PTAR1: variants seen among roughly 807,000 people sequenced by gnomAD.
PTAR1 encodes the protein protein prenyltransferase alpha subunit repeat-containing protein 1.
A neutral mutation model predicts 45.5 loss-of-function variants in PTAR1; 17 were observed. That is an observed-to-expected ratio of 0.37 (90% CI 0.26 to 0.56). PTAR1 has a LOEUF of 0.56. PTAR1 is among the 20% of genes least tolerant of loss of function. The pLI is 0.77. For missense variants in PTAR1, 391 were observed against 476.3 expected, an observed-to-expected ratio of 0.82 and a Z score of 1.67; for synonymous variants, 169 against 171.3, an observed-to-expected ratio of 0.99 and a Z score of 0.11.
intron 5 of PTAR1, among the ~76,000 whole-genome samples, chr9:69,728,805 G>A (rs181011388): frequency 6.6e-6 from 1 of 152,124 alleles, no homozygotes; most frequent in Admixed American, 6.5e-5. Flanking sequence ...GAAAATTAGT[G>A]TCATAATTCC....
intron 6 of PTAR1, among the ~76,000 whole-genome samples, chr9:69,721,014 C>G (rs7030556): frequency 1 from 152,283 of 152,330 alleles, 76,118 homozygotes; most frequent in Non-Finnish European, 1. Flanking sequence ...ATGGATCAAG[C>G]AGAAACTTCA....
At chr9:69,731,416 G>A (rs746477131) in intron 5 of PTAR1, among the ~76,000 whole-genome samples, 25 of 152,084 alleles carry the variant, frequency 1.6e-4, no homozygotes, top group Non-Finnish European at 2.5e-4. Context: ...CTGAGACACC[G>A]TAGTATATAA....
At chr9:69,723,162 G>A (rs903294820) in intron 6 of PTAR1, among the ~76,000 whole-genome samples, 164 bp downstream of exon 6, 5 of 152,004 alleles carry the variant, frequency 3.3e-5, no homozygotes, top group South Asian at 2.1e-4. Flanking sequence ...TGATGATGAC[G>A]ATGATATGGT....
chr9:69,728,710 C>T lies in PTAR1; in HGVS notation c.642+3429G>A, dbSNP rs549708977. ...ACTGCCTGACTGTGAATCTTTCCTG[C>T]CACACTACCCTCAAATATAAAAATA... On this transcript the variant is annotated intron_variant, in intron 5 of 7. Coordinates refer to ENST00000340434, the MANE Select transcript of PTAR1 (RefSeq NM_001099666.2). 3.1e-4 allele frequency among the ~76,000 whole-genome samples: 47 copies of T among 152,214 alleles called. No individual in the cohort carries two copies. In the Middle Eastern group the frequency reaches 0.017, roughly 55 times the overall value.
rs541670060 is a variant in PTAR1, at chr9:69,714,549, T to G, written c.*3793A>C. On this transcript the variant is annotated 3_prime_UTR_variant, in exon 8 of 8. Transcript: ENST00000340434. ...ACATGTGTGTGTGGCCCAACAAGAA[T>G]AAACTGGCATGACCTGAACATACCT... 6 of 152,150 alleles carry G rather than the reference T, an allele frequency of 3.9e-5. No homozygotes were observed. In the East Asian group the frequency reaches 1.2e-3, roughly 29 times the overall value. 9.4% of individuals were successfully genotyped at this position (152,150 alleles called of 1,614,324 possible).
chr9:69,730,853 G>C (rs1460277647), intron 5 of PTAR1, among the ~76,000 whole-genome samples: 11 of 152,026 alleles, frequency 7.2e-5, no homozygotes, highest in Non-Finnish European at 1.3e-4. Context: ...CTGGAGAACA[G>C]AGAAAGGAAC....
rs1290446229 is a variant in PTAR1 at position 69,712,803 on chromosome 9, T to C, written c.*5539A>G. 6.6e-6 allele frequency: 1 copy of C among 152,086 alleles called. No individual in the cohort carries two copies. The highest frequency in any genetic ancestry group is 2.4e-5 in the African/African-American group (1 of 41,438). The allele number at this position is 152,086 out of a possible 1,614,324, so 9.4% of individuals were successfully genotyped here. On this transcript the variant is annotated 3_prime_UTR_variant, in exon 8 of 8. Coordinates refer to ENST00000340434, the MANE Select transcript of PTAR1 (RefSeq NM_001099666.2). ...CAATCATCCCCACCTCTACCAAAGA[T>C]GGAACTATAACACAGAAATCATTTC...
chr9:69,744,671 C>T (rs1484560822), intron 2 of PTAR1, among the ~76,000 whole-genome samples: 1 of 152,170 alleles, frequency 6.6e-6, no homozygotes, highest in Non-Finnish European at 1.5e-5. Flanking sequence ...CAGGTGTGAG[C>T]CACTGCACCT....
At chr9:69,735,475 T>C (rs11140058) in intron 3 of PTAR1, among the ~76,000 whole-genome samples, 18,942 of 152,150 alleles carry the variant, frequency 0.12, 1,316 homozygotes, top group East Asian at 0.27. Flanking sequence ...AGCAATTTTT[T>C]CCCCAAATAT....
At chr9:69,737,913 TCTG>T in intron 3 of PTAR1, among the ~76,000 whole-genome samples, 2 of 152,318 alleles carry the variant, frequency 1.3e-5, no homozygotes, top group South Asian at 4.1e-4. Flanking sequence ...ACCTAGTTTC[TCTG>T]CTATTAACAT....
intron 2 of PTAR1, among the ~76,000 whole-genome samples, chr9:69,745,214 C>T (rs980644419): frequency 1.3e-5 from 2 of 152,296 alleles, no homozygotes; most frequent in East Asian, 3.9e-4. Flanking sequence ...TTTAGTAAAA[C>T]TGTCTAAATT....
At chr9:69,726,923 C>A (rs1335932618) in intron 5 of PTAR1, among the ~76,000 whole-genome samples, 1 of 127,442 alleles carries the variant, frequency 7.8e-6, no homozygotes, top group Non-Finnish European at 1.7e-5. Flanking sequence ...TTTTTAAATT[C>A]TTTTTTTTTT....
At position 69,709,910 on chromosome 9, in the gene PTAR1, A is replaced by G. The variant is rs1387642276; in HGVS notation, c.*8432T>C. On this transcript the variant is annotated 3_prime_UTR_variant, in exon 8 of 8. Transcript: ENST00000340434. The stretch of plus-strand genomic sequence containing the variant: ...CAACTTAAAAATTTGTTAATGTAGT[A>G]TAATCAGCATATCATGGTATTTTAC... The G allele has an allele frequency of 6.6e-6, 1 of 152,180 alleles. No homozygotes were observed. Among genetic ancestry groups the G allele is most frequent in the African/African-American group, 2.4e-5 (1 of 41,450 alleles). 9.4% of individuals were successfully genotyped at this position (152,180 alleles called of 1,614,324 possible). A position where few individuals can be genotyped will look rare whatever the true frequency, so the allele number is the denominator to read the frequency against.
intron 4 of PTAR1, among the ~76,000 whole-genome samples, 188 bp from the exon 5 acceptor site, chr9:69,732,540 G>C (rs972600784): frequency 4.0e-5 from 6 of 151,740 alleles, no homozygotes; most frequent in African/African-American, 9.7e-5. Context: ...TAATTTAGCA[G>C]TATGGATGAA....
intron 4 of PTAR1, 133 bp from the exon 5 acceptor site, chr9:69,732,485 T>C (rs548888225): frequency 3.4e-4 from 222 of 656,452 alleles, no homozygotes; most frequent in Non-Finnish European, 5.4e-4. Context: ...ATAAGTCTAG[T>C]ATTTTGGAGA....
chr9:69,755,187 T>C (rs927597114), intron 1 of PTAR1, among the ~76,000 whole-genome samples: 1 of 152,198 alleles, frequency 6.6e-6, no homozygotes, highest in African/African-American at 2.4e-5. Flanking sequence ...ATATGATGGT[T>C]TGGGACAGCA....
chr9:69,734,978 T>C (rs967500830), intron 3 of PTAR1, among the ~76,000 whole-genome samples: 3 of 152,188 alleles, frequency 2.0e-5, no homozygotes, highest in Admixed American at 2.0e-4. Context: ...TGCGTCAAAC[T>C]TTTTGTTATT....
At chr9:69,751,357 C>G (rs1275807241) in intron 1 of PTAR1, among the ~76,000 whole-genome samples, 1 of 151,386 alleles carries the variant, frequency 6.6e-6, no homozygotes, top group Non-Finnish European at 1.5e-5. Flanking sequence ...AAAAAAGGCC[C>G]ATCCACATAA....
At chr9:69,727,538 AT>A (rs1825345003) in intron 5 of PTAR1, among the ~76,000 whole-genome samples, 3 of 151,024 alleles carry the variant, frequency 2.0e-5, no homozygotes, top group African/African-American at 7.3e-5. Context: ...CTAACTTTCT[AT>A]TTTCTAAAAA....
Sources: allele counts gnomAD v4.1 joint callset (sites outside exome capture counted in the v4.1 genomes callset), GRCh38; gene constraint gnomAD v4.1.1; transcripts MANE v1.5; gene names NCBI Gene and HGNC (gene_info 2026-07-23, HGNC 2026-07-21).